Variants in SFMBT1 observed in about 807,000 individuals in gnomAD.
SFMBT1 encodes scm-like with four MBT domains protein 1.
Under a neutral mutation model 108.7 loss-of-function variants are expected in SFMBT1, and 32 were observed. The observed-to-expected ratio is 0.29, with a 90% CI of 0.22 to 0.40. The LOEUF (loss-of-function observed/expected upper bound fraction) is 0.40, where lower values mean the gene tolerates loss of function less well. SFMBT1 is among the 10% of genes least tolerant of loss of function. The pLI is 1.00. For missense variants in SFMBT1, 816 were observed against 1,059.6 expected, an observed-to-expected ratio of 0.77 and a Z score of 3.19; for synonymous variants, 348 against 369.5, an observed-to-expected ratio of 0.94 and a Z score of 0.67.
At chr3:52,937,739 C>T (rs538343889) in intron 4 of SFMBT1, among the ~76,000 whole-genome samples, 1 of 152,140 alleles carries the variant, frequency 6.6e-6, no homozygotes, top group Non-Finnish European at 1.5e-5. Flanking sequence ...CACACCACTA[C>T]GGTTGGCTAA....
intron 1 of SFMBT1, among the ~76,000 whole-genome samples, chr3:52,990,199 C>T (rs1480240932): frequency 2.6e-5 from 4 of 152,100 alleles, no homozygotes; most frequent in Non-Finnish European, 4.4e-5. Flanking sequence ...AGCATACACC[C>T]GAAGTCATTA....
At chr3:52,968,521 T>C (rs1381938445) in intron 2 of SFMBT1, among the ~76,000 whole-genome samples, 1 of 151,996 alleles carries the variant, frequency 6.6e-6, no homozygotes, top group Non-Finnish European at 1.5e-5. Context: ...TGTGAATGCA[T>C]AATTACTTCA....
At chr3:52,913,646 A>G (rs1183910509) in intron 14 of SFMBT1, 29 bp from the exon 15 acceptor site, 3 of 1,610,878 alleles carry the variant, frequency 1.9e-6, no homozygotes, top group Non-Finnish European at 2.5e-6. Flanking sequence ...CAAATATTCA[A>G]AACAGTCATT....
intron 4 of SFMBT1, among the ~76,000 whole-genome samples, chr3:52,942,734 C>T (rs1353563765): frequency 2.0e-5 from 3 of 152,168 alleles, no homozygotes; most frequent in South Asian, 2.1e-4. Flanking sequence ...AGGCTGGTCT[C>T]GAACTCCTGA....
chr3:52,930,119 G>T (rs1175157871), intron 8 of SFMBT1, among the ~76,000 whole-genome samples: 1 of 152,236 alleles, frequency 6.6e-6, no homozygotes, highest in African/African-American at 2.4e-5. Context: ...CAGGCCCAAG[G>T]CTGCTTTGGC....
chr3:53,045,153 T>TG (rs1700181827), intron 1 of SFMBT1: 1 of 150,870 alleles, frequency 6.6e-6, no homozygotes, highest in Non-Finnish European at 1.5e-5. Context: ...CCAGCGGCGG[T>TG]GCCCGGCGGG....
intron 1 of SFMBT1, among the ~76,000 whole-genome samples, chr3:53,025,451 T>A (rs1699454258): frequency 6.6e-6 from 1 of 152,006 alleles, no homozygotes; most frequent in African/African-American, 2.4e-5. Flanking sequence ...CTACAAAAAA[T>A]TTTAAAAATT....
chr3:53,007,420 T>C (rs1053606754), intron 1 of SFMBT1, among the ~76,000 whole-genome samples: 1 of 152,234 alleles, frequency 6.6e-6, no homozygotes, highest in African/African-American at 2.4e-5. Flanking sequence ...ATCTTCTATT[T>C]CTTTGCAGAA....
chr3:53,012,495 C>T (rs1373030177), intron 1 of SFMBT1, among the ~76,000 whole-genome samples: 1 of 151,966 alleles, frequency 6.6e-6, no homozygotes, highest in African/African-American at 2.4e-5. Flanking sequence ...CTCCGCCTCC[C>T]GGATTCACGC....
At chr3:53,017,771 T>C (rs1253915891) in intron 1 of SFMBT1, among the ~76,000 whole-genome samples, 1 of 152,214 alleles carries the variant, frequency 6.6e-6, no homozygotes, top group Non-Finnish European at 1.5e-5. Context: ...AAAATGAGCA[T>C]GACTTCTTGT....
intron 1 of SFMBT1, among the ~76,000 whole-genome samples, chr3:52,972,598 C>G (rs1704380939): frequency 6.6e-6 from 1 of 152,050 alleles, no homozygotes; most frequent in African/African-American, 2.4e-5. Context: ...TTGTAGTGAA[C>G]AGAACACACT....
chr3:52,908,230 TGCCCGG>T (rs1375307352), intron 17 of SFMBT1, among the ~76,000 whole-genome samples: 21 of 151,068 alleles, frequency 1.4e-4, no homozygotes, highest in African/African-American at 4.1e-4. Context: ...CACACCACCA[TGCCCGG>T]CTAATTTTTA....
At chr3:52,990,968 C>T (rs1705102249) in intron 1 of SFMBT1, among the ~76,000 whole-genome samples, 1 of 152,064 alleles carries the variant, frequency 6.6e-6, no homozygotes, top group South Asian at 2.1e-4. Context: ...TTTTTGTTTG[C>T]TCATTTTTTC....
chr3:52,912,544 T>C lies in SFMBT1; in HGVS notation c.1724A>G (p.Lys575Arg). The stretch of plus-strand genomic sequence containing the variant: ...AAACAAGTAGTCCACTCACTTGGCT[T>C]TTAGGACTTCCCCACATCCGTGCCA... ...SVWHGCGEVL[K>R]AKYKGKSYRA... Residue 575 changes from lysine to arginine, a missense_variant, in exon 16 of 21, where the codon AAA becomes AGA. Transcript: ENST00000394752. The C allele has an allele frequency of 1.9e-6, 3 of 1,613,612 alleles. No individual in the cohort carries two copies. Among genetic ancestry groups the C allele is most frequent in the Non-Finnish European group, 2.5e-6 (3 of 1,179,592 alleles).
chr3:52,924,658 AAACAACAACAAC>A (rs148019673), intron 10 of SFMBT1, among the ~76,000 whole-genome samples: 16,837 of 150,606 alleles, frequency 0.11, 967 homozygotes, highest in Non-Finnish European at 0.13. Flanking sequence ...AACAAAAAAC[AAACAACAACAAC>A]AACAACAACA....
intron 4 of SFMBT1, among the ~76,000 whole-genome samples, chr3:52,935,966 C>T (rs1038893146): frequency 6.6e-6 from 1 of 152,094 alleles, no homozygotes; most frequent in African/African-American, 2.4e-5. Context: ...TTCTACTGTT[C>T]CCTGTATTTG....
chr3:52,920,283 G>T (rs144245097), intron 12 of SFMBT1, among the ~76,000 whole-genome samples: 69 of 152,326 alleles, frequency 4.5e-4, no homozygotes, highest in African/African-American at 8.7e-4. Context: ...GATGACTGGA[G>T]CCCTGGCTGA....
intron 19 of SFMBT1, among the ~76,000 whole-genome samples, chr3:52,906,830 G>A (rs1041084739): frequency 3.3e-5 from 5 of 152,056 alleles, no homozygotes; most frequent in Non-Finnish European, 7.4e-5. Flanking sequence ...TTTTTTTGTT[G>A]TTGTTGTTAA....
chr3:52,966,486 G>A (rs1461912166), intron 2 of SFMBT1, among the ~76,000 whole-genome samples: 1 of 151,088 alleles, frequency 6.6e-6, no homozygotes, highest in African/African-American at 2.4e-5. Context: ...TTAGCCAAGC[G>A]TGGTGGTGGG....
Sources: allele counts gnomAD v4.1 joint callset (sites outside exome capture counted in the v4.1 genomes callset), GRCh38; gene constraint gnomAD v4.1.1; transcripts MANE v1.5; gene names NCBI Gene and HGNC (gene_info 2026-07-23, HGNC 2026-07-21).